The following NFAT5 variants were observed in gnomAD, a reference collection of about 807,000 sequenced individuals.
The protein encoded by NFAT5 is nuclear factor of activated T cells 5.
Under a neutral mutation model 166.5 loss-of-function variants are expected in NFAT5, and 31 were observed. The ratio of observed to expected loss-of-function variants is 0.19; its 90% CI spans 0.14 to 0.25. NFAT5 has a LOEUF of 0.25. Among genes scored for constraint, NFAT5 ranks in the 10% least tolerant of loss-of-function variants. The probability of loss-of-function intolerance (pLI) is 1.00; values close to 1 mark genes in which losing one functional copy is unlikely to be tolerated. For missense variants in NFAT5, 1,449 were observed against 1,821.8 expected, an observed-to-expected ratio of 0.80 and a Z score of 3.72; for synonymous variants, 612 against 639.7, an observed-to-expected ratio of 0.96 and a Z score of 0.65.
In NFAT5 at chr16:69,700,608, T is replaced by C. The variant is rs1334588213; in HGVS notation, c.*4257T>C. On this transcript the variant is annotated 3_prime_UTR_variant, in exon 15 of 15. Transcript: ENST00000349945. ...TGATGAAGATTTCTGTTCCAATATCTGTTTCCTAATAGATTTTTTAAATTA... is the reference window on the plus strand; with the variant it reads ...TGATGAAGATTTCTGTTCCAATATCCGTTTCCTAATAGATTTTTTAAATTA... The C allele has an allele frequency of 6.6e-6, 1 of 152,204 alleles. No individual in the cohort carries two copies. Among genetic ancestry groups the C allele is most frequent in the Non-Finnish European group, 1.5e-5 (1 of 68,040 alleles). The allele number at this position is 152,204 out of a possible 1,614,324, so 9.4% of individuals were successfully genotyped here.
At chr16:69,652,032 C>T (rs2035691301) in intron 4 of NFAT5, among the ~76,000 whole-genome samples, 1 of 152,134 alleles carries the variant, frequency 6.6e-6, no homozygotes, top group Non-Finnish European at 1.5e-5. Flanking sequence ...ATTTGCAGTG[C>T]TTCAACTATT....
At chr16:69,613,511 A>G (rs2033799635) in intron 2 of NFAT5, among the ~76,000 whole-genome samples, 1 of 152,120 alleles carries the variant, frequency 6.6e-6, no homozygotes, top group Non-Finnish European at 1.5e-5. Context: ...ACTGCTTGTA[A>G]CTTCCGTGTT....
In NFAT5 at chr16:69,653,435, A is replaced by G. The variant is rs773641818; in HGVS notation, c.1005+7A>G. 10 of 1,480,010 alleles carry G rather than the reference A, an allele frequency of 6.8e-6. No individual in the cohort carries two copies. Among genetic ancestry groups the G allele is most frequent in the African/African-American group, 1.5e-5 (1 of 68,672 alleles). 91.7% of individuals were successfully genotyped at this position (1,480,010 alleles called of 1,614,324 possible). A position where few individuals can be genotyped will look rare whatever the true frequency, so the allele number is the denominator to read the frequency against. ...AGGCTTTCCTACAGTAAAGGTATTT[A>G]CTTTATTTATCATTTGAATTTTAGT... On this transcript the variant is annotated splice_region_variant and intron_variant, in intron 5 of 14. Transcript: ENST00000349945.
intron 2 of NFAT5, among the ~76,000 whole-genome samples, chr16:69,606,862 C>G (rs1436206795): frequency 6.6e-6 from 1 of 151,964 alleles, no homozygotes; most frequent in African/African-American, 2.4e-5. Context: ...AGAACAACAA[C>G]AACAACAAAA....
At chr16:69,677,103 A>C in intron 9 of NFAT5, 100 bp from the exon 10 acceptor site, 1 of 1,129,108 alleles carries the variant, frequency 8.9e-7, no homozygotes. Context: ...TTTTTTAATC[A>C]CTTTTTAAAC....
chr16:69,601,129 AT>A (rs945664086), intron 2 of NFAT5, among the ~76,000 whole-genome samples: 50 of 151,420 alleles, frequency 3.3e-4, no homozygotes, highest in South Asian at 1.3e-3. Flanking sequence ...GCACTTAAAC[AT>A]TTTTTTTTAA....
chr16:69,648,189 ACAC>A lies in NFAT5; in HGVS notation c.812+606_812+608del, dbSNP rs1354908432. The A allele has an allele frequency of 3.1e-6, 3 of 982,130 alleles. No homozygotes were observed. The African/African-American group carries it at 5.3e-5, about 17-fold the overall frequency. The allele number at this position is 982,130 out of a possible 1,614,324, so 60.8% of individuals were successfully genotyped here. A position where few individuals can be genotyped will look rare whatever the true frequency, so the allele number is the denominator to read the frequency against. ...GAAACTCCATCTCAAAAAAAAAAAA[ACAC>A]CAAAAAAAAAACCGAAAGAACTAGC... On this transcript the variant is annotated intron_variant, in intron 4 of 14. Transcript: ENST00000349945.
intron 2 of NFAT5, among the ~76,000 whole-genome samples, chr16:69,570,317 A>G (rs2016355876): frequency 1.3e-5 from 2 of 152,104 alleles, no homozygotes; most frequent in African/African-American, 4.8e-5. Context: ...TTCTGTAATG[A>G]AGTGTCTAAT....
intron 11 of NFAT5, among the ~76,000 whole-genome samples, chr16:69,688,216 A>AAAAC (rs2037401887): frequency 2.0e-5 from 3 of 147,322 alleles, no homozygotes; most frequent in African/African-American, 7.5e-5. Flanking sequence ...AAAAAAAAAA[A>AAAAC]AAAAAAAAAA....
At position 69,566,443 on chromosome 16, in the gene NFAT5, G is replaced by T. The variant is rs1224781952; in HGVS notation, c.73+69G>T. ...GGGAGACAGGGAGACAGGGCCAGGG[G>T]AGGCGAGGGGTCCCCGTCCCGCCGG... On this transcript the variant is annotated intron_variant, in intron 1 of 14. Coordinates refer to ENST00000349945, the MANE Select transcript of NFAT5 (RefSeq NM_138713.4). The surrounding 1 kb of genome is among the most constrained non-coding windows in gnomAD (Gnocchi z 5.7). 3 of 1,340,112 alleles carry T rather than the reference G, an allele frequency of 2.2e-6. No homozygotes were observed. The highest frequency in any genetic ancestry group is 2.9e-5 in the African/African-American group (2 of 68,900). The allele number at this position is 1,340,112 out of a possible 1,614,324, so 83.0% of individuals were successfully genotyped here.
rs371648315 is a variant in NFAT5, at chr16:69,583,886, T to G, written c.127+15338T>G. Reference sequence around the variant, plus strand: ...TACAAGTAGCAAGTTTCAGTTGGAATAATAATAATTGCATTAAAATAACTG... The same window carrying G: ...TACAAGTAGCAAGTTTCAGTTGGAAGAATAATAATTGCATTAAAATAACTG... On this transcript the variant is annotated intron_variant, in intron 2 of 14. Transcript: ENST00000349945. 3.9e-5 allele frequency among the ~76,000 whole-genome samples: 6 copies of G among 152,152 alleles called. No homozygotes were observed. The South Asian group carries it at 1.0e-3, about 26-fold the overall frequency.
At chr16:69,679,981 G>A (rs1048700948) in intron 10 of NFAT5, among the ~76,000 whole-genome samples, 5 of 152,038 alleles carry the variant, frequency 3.3e-5, no homozygotes, top group East Asian at 1.9e-4. Context: ...AGCCGGGCGC[G>A]GTGGTGGGCA....
At chr16:69,677,157 TTAAG>T in intron 9 of NFAT5, 42 bp from the exon 10 acceptor site, 1 of 1,555,950 alleles carries the variant, frequency 6.4e-7, no homozygotes, top group Non-Finnish European at 8.7e-7. Context: ...ATTTTTAAAT[TTAAG>T]TATTGCTTCT....
At chr16:69,671,850 C>T (rs1439275904) in intron 9 of NFAT5, among the ~76,000 whole-genome samples, 2 of 152,204 alleles carry the variant, frequency 1.3e-5, no homozygotes, top group African/African-American at 4.8e-5. Context: ...AGCAGGGAAG[C>T]TCACCCAAGC....
At chr16:69,678,850 G>A (rs1192784570) in intron 10 of NFAT5, among the ~76,000 whole-genome samples, 2 of 152,230 alleles carry the variant, frequency 1.3e-5, no homozygotes, top group African/African-American at 2.4e-5. Context: ...GCATCAAAAA[G>A]TGAAGAAAAC....
At chr16:69,592,900 A>G (rs2032562403) in intron 2 of NFAT5, among the ~76,000 whole-genome samples, 3 of 152,206 alleles carry the variant, frequency 2.0e-5, no homozygotes, top group East Asian at 1.9e-4. Flanking sequence ...AGGCATGGAT[A>G]TAAGAATGGA....
At chr16:69,694,733 T>C (rs1597578098) in intron 13 of NFAT5, among the ~76,000 whole-genome samples, 1 of 152,378 alleles carries the variant, frequency 6.6e-6, no homozygotes, top group East Asian at 1.9e-4. Context: ...TAAAAATGTG[T>C]GTTTGCCATT....
intron 2 of NFAT5, among the ~76,000 whole-genome samples, chr16:69,589,879 G>T (rs1473501544): frequency 6.6e-6 from 1 of 152,010 alleles, no homozygotes; most frequent in African/African-American, 2.4e-5. Flanking sequence ...TTCTTAAGCT[G>T]GCCACAGTGG....
intron 3 of NFAT5, among the ~76,000 whole-genome samples, chr16:69,645,008 A>G (rs2035377524): frequency 6.6e-6 from 1 of 152,236 alleles, no homozygotes; most frequent in Non-Finnish European, 1.5e-5. Flanking sequence ...TACACAAAAA[A>G]TTAGTTTCGT....
Sources: gnomAD v4.1 joint callset for allele counts (sites outside exome capture counted in the v4.1 genomes callset) on GRCh38, gnomAD v4.1.1 for gene constraint, Gnocchi (gnomAD v3.1) non-coding constraint, MANE v1.5 for transcripts, NCBI Gene and HGNC (gene_info 2026-07-23, HGNC 2026-07-21) for gene names.